The following SH3BP4 variants were observed in gnomAD, a reference collection of about 807,000 sequenced individuals.
The protein encoded by SH3BP4 is SH3 domain binding protein 4.
Under a neutral mutation model 65.5 loss-of-function variants are expected in SH3BP4, and 33 were observed. That is an observed-to-expected ratio of 0.50 (90% CI 0.38 to 0.67). The LOEUF (loss-of-function observed/expected upper bound fraction) is 0.67. Among genes scored for constraint, SH3BP4 ranks in the 30% least tolerant of loss-of-function variants. The probability of loss-of-function intolerance (pLI) is 0.00; values close to 1 mark genes in which losing one functional copy is unlikely to be tolerated. For synonymous variants in SH3BP4, 552 were observed against 545.5 expected (o/e 1.01, Z -0.17); for missense variants, 1,134 against 1,261.4 (o/e 0.90, Z 1.53).
At chr2:234,955,140 C>G (rs368056093) in intron 1 of SH3BP4, among the ~76,000 whole-genome samples, 42 of 152,308 alleles carry the variant, frequency 2.8e-4, no homozygotes, top group African/African-American at 1.0e-3. Context: ...CAGGTCTTCT[C>G]TGTTGCGAGG....
chr2:234,970,286 C>G (rs1185250512), intron 1 of SH3BP4, among the ~76,000 whole-genome samples: 1 of 152,208 alleles, frequency 6.6e-6, no homozygotes, highest in East Asian at 1.9e-4. Flanking sequence ...CTTAACCCCT[C>G]TGTAAACCTT....
At chr2:235,038,888 G>A (rs9677588) in intron 3 of SH3BP4, among the ~76,000 whole-genome samples, 4,879 of 152,248 alleles carry the variant, frequency 0.032, 253 homozygotes, top group African/African-American at 0.11. Flanking sequence ...GGTACATGAT[G>A]TAGTGGTTGG....
At chr2:235,018,322 C>T (rs1392462976) in intron 2 of SH3BP4, among the ~76,000 whole-genome samples, 1 of 150,902 alleles carries the variant, frequency 6.6e-6, no homozygotes, top group Non-Finnish European at 1.5e-5. Context: ...AAACAGCAGT[C>T]CCTGTGCCTA....
intron 1 of SH3BP4, among the ~76,000 whole-genome samples, chr2:234,970,896 T>G (rs1692981650): frequency 6.6e-6 from 1 of 152,080 alleles, no homozygotes; most frequent in South Asian, 2.1e-4. Flanking sequence ...CACGCCCAGA[T>G]TGAAAGAAGG....
In SH3BP4 at chr2:235,046,964, C is replaced by T. The variant is rs1695881670; in HGVS notation, c.2478+3717C>T. ...CATGGCTGTGGCTGCACTCAGAGCA[C>T]CCCTCTGTCCTGGCCACTTCTCTCC... On this transcript the variant is annotated intron_variant, in intron 4 of 5. Coordinates refer to ENST00000392011, the MANE Select transcript of SH3BP4 (RefSeq NM_014521.3). This position sits in a 1 kb window ranked among gnomAD's most constrained non-coding sequence, Gnocchi z 4.2. 1.3e-5 allele frequency among the ~76,000 whole-genome samples: 2 copies of T among 152,210 alleles called. No individual in the cohort carries two copies. The highest frequency in any genetic ancestry group is 4.8e-5 in the African/African-American group (2 of 41,458).
intron 2 of SH3BP4, among the ~76,000 whole-genome samples, chr2:234,996,633 G>C (rs982745771): frequency 6.6e-6 from 1 of 152,190 alleles, no homozygotes; most frequent in Non-Finnish European, 1.5e-5. Context: ...TTTGGGCTGC[G>C]GTGAACCCTC....
In SH3BP4 at chr2:235,034,918, G is replaced by A. The variant is rs1204720269; in HGVS notation, c.-85G>A. On this transcript the variant is annotated 5_prime_UTR_variant, in exon 3 of 6. The change abolishes the stop of an existing upstream ORF in the 5' untranslated region. Coordinates refer to ENST00000392011, the MANE Select transcript of SH3BP4 (RefSeq NM_014521.3). The surrounding 1 kb of genome is among the most constrained non-coding windows in gnomAD (Gnocchi z 6.2). ...ATGCCGCCGCGCAGCGTGTTTGCTT[G>A]AGGCAGAAGCTTCAGCATCTGCTGG... The A allele has an allele frequency of 2.6e-6, 3 of 1,167,166 alleles. No individual in the cohort carries two copies. The highest frequency in any genetic ancestry group is 3.8e-6 in the Non-Finnish European group (3 of 789,366). The allele number at this position is 1,167,166 out of a possible 1,614,324, so 72.3% of individuals were successfully genotyped here. A position where few individuals can be genotyped will look rare whatever the true frequency, so the allele number is the denominator to read the frequency against.
rs1349960599 is a variant in SH3BP4 at position 235,030,482 on chromosome 2, C to G, written c.-132-4389C>G. Among the ~76,000 whole-genome samples, 1 of 152,148 alleles carries G rather than the reference C, an allele frequency of 6.6e-6. No homozygotes were observed. Among genetic ancestry groups the G allele is most frequent in the African/African-American group, 2.4e-5 (1 of 41,430 alleles). On this transcript the variant is annotated intron_variant, in intron 2 of 5. Transcript: ENST00000392011. This position sits in a 1 kb window ranked among gnomAD's most constrained non-coding sequence, Gnocchi z 4.1. ...GTGCCTGGTGGAGCTATGAGCGCAG[C>G]CTGTGCTGTAAGGGGAGGACACATA...
chr2:235,042,961 C>T lies in SH3BP4; in HGVS notation c.2192C>T (p.Ser731Leu), dbSNP rs139172354. The T allele has an allele frequency of 1.3e-4, 205 of 1,612,912 alleles. 2 individuals carry two copies. In the South Asian group the frequency reaches 1.8e-3, roughly 15 times the overall value. The stretch of plus-strand genomic sequence containing the variant: ...GGCAGGGCCCGGCCCAGCCTGTGCT[C>T]GGGCCCCGAGCTGAGCACCTCGGTG... ...VVGRARPSLC[S>L]GPELSTSVLL... Residue 731 changes from serine (S) to leucine (L), a missense_variant, in exon 4 of 6, where the codon TCG becomes TTG. Transcript: ENST00000392011. The surrounding 1 kb of genome is among the most constrained non-coding windows in gnomAD (Gnocchi z 7.3).
At chr2:234,998,295 C>CATG (rs1693987867) in intron 2 of SH3BP4, among the ~76,000 whole-genome samples, 1 of 152,150 alleles carries the variant, frequency 6.6e-6, no homozygotes, top group Non-Finnish European at 1.5e-5. Flanking sequence ...GGGAATAAAT[C>CATG]ATGAGCCACA....
chr2:234,982,317 T>C (rs527767343), intron 1 of SH3BP4, among the ~76,000 whole-genome samples: 3 of 152,254 alleles, frequency 2.0e-5, no homozygotes, highest in Admixed American at 1.3e-4. Context: ...TGTCCACTTC[T>C]GTGTTGGTGC....
chr2:235,033,616 G>T lies in SH3BP4; in HGVS notation c.-132-1255G>T, dbSNP rs528708276. On this transcript the variant is annotated intron_variant, in intron 2 of 5. Transcript: ENST00000392011. The surrounding 1 kb of genome is among the most constrained non-coding windows in gnomAD (Gnocchi z 5.7). ...TGGGATTGCAGCTTCTGATGCAGTG[G>T]TGACAGTGGCTGAGACTTGGCAGGG... 1.1e-4 allele frequency among the ~76,000 whole-genome samples: 16 copies of T among 152,338 alleles called. 1 individual carries two copies. The East Asian group carries it at 3.1e-3, about 29-fold the overall frequency.
rs1290241129 is a variant in SH3BP4 at position 234,967,403 on chromosome 2, G to A, written c.-207+15233G>A. 6.6e-6 allele frequency among the ~76,000 whole-genome samples: 1 copy of A among 152,076 alleles called. No individual in the cohort carries two copies. Among genetic ancestry groups the A allele is most frequent in the Non-Finnish European group, 1.5e-5 (1 of 67,986 alleles). Reference sequence around the variant, plus strand: ...AGACCTACAGCAGGAGCACTCCTTGGAGGATGAGGGGAAGGCCCTAACACC... The same window carrying A: ...AGACCTACAGCAGGAGCACTCCTTGAAGGATGAGGGGAAGGCCCTAACACC... On this transcript the variant is annotated intron_variant, in intron 1 of 5. Coordinates refer to ENST00000392011, the MANE Select transcript of SH3BP4 (RefSeq NM_014521.3). This position sits in a 1 kb window ranked among gnomAD's most constrained non-coding sequence, Gnocchi z 4.6.
intron 1 of SH3BP4, chr2:234,994,734 T>C (rs2106274289): frequency 6.6e-6 from 1 of 152,218 alleles, no homozygotes; most frequent in East Asian, 1.9e-4. Flanking sequence ...GGAGACTCAT[T>C]GTTGGGGTGA....
At chr2:235,036,273 A>G (rs1345547959) in intron 3 of SH3BP4, among the ~76,000 whole-genome samples, 2 of 152,246 alleles carry the variant, frequency 1.3e-5, no homozygotes, top group African/African-American at 4.8e-5. Context: ...GTAAGAGAGC[A>G]ACAGTGATTG....
chr2:234,993,497 T>C (rs1262420333), intron 1 of SH3BP4, among the ~76,000 whole-genome samples: 1 of 152,182 alleles, frequency 6.6e-6, no homozygotes, highest in Non-Finnish European at 1.5e-5. Context: ...TTCTCAGAGA[T>C]GCTGGTGCAG....
rs898932333 is a variant in SH3BP4, at chr2:235,046,330, A to T, written c.2478+3083A>T. 6.6e-6 allele frequency among the ~76,000 whole-genome samples: 1 copy of T among 152,138 alleles called. No individual in the cohort carries two copies. The highest frequency in any genetic ancestry group is 1.5e-5 in the Non-Finnish European group (1 of 68,016). On this transcript the variant is annotated intron_variant, in intron 4 of 5. Coordinates refer to ENST00000392011, the MANE Select transcript of SH3BP4 (RefSeq NM_014521.3). The surrounding 1 kb of genome is among the most constrained non-coding windows in gnomAD (Gnocchi z 4.2). Reference sequence around the variant, plus strand: ...ACACCTGTAATACCAGCACTTTGGGAGGCTGAGACAGGAGAATCGCTTGAG... The same window carrying T: ...ACACCTGTAATACCAGCACTTTGGGTGGCTGAGACAGGAGAATCGCTTGAG...
At chr2:235,053,555 T>C in intron 5 of SH3BP4, 37 bp from the exon 6 acceptor site, 1 of 1,508,912 alleles carries the variant, frequency 6.6e-7, no homozygotes, top group African/African-American at 1.4e-5. Context: ...TTTCTTCCTC[T>C]CTCCCTCCTT....
intron 3 of SH3BP4, among the ~76,000 whole-genome samples, chr2:235,038,366 A>ATGT (rs1248934629): frequency 2.5e-5 from 1 of 39,684 alleles, no homozygotes; most frequent in Non-Finnish European, 4.4e-5. Flanking sequence ...ATATATATAT[A>ATGT]ATATATATAC....
Sources: allele counts gnomAD v4.1 joint callset (sites outside exome capture counted in the v4.1 genomes callset), GRCh38; gene constraint gnomAD v4.1.1; non-coding constraint Gnocchi (gnomAD v3.1); transcripts MANE v1.5; gene names NCBI Gene and HGNC (gene_info 2026-07-23, HGNC 2026-07-21).